MYO5B: variants seen among roughly 807,000 people sequenced by gnomAD.
MYO5B encodes myosin VB, also known as unconventional myosin-Vb.
A neutral mutation model predicts 229.3 loss-of-function variants in MYO5B; 143 were observed. The ratio of observed to expected loss-of-function variants is 0.62; its 90% CI spans 0.54 to 0.72. The LOEUF is 0.72. MYO5B is among the 30% of genes least tolerant of loss of function. MYO5B has a pLI of 0.00. For synonymous variants in MYO5B, 918 were observed against 885.2 expected (o/e 1.04, Z -0.66); for missense variants, 2,321 against 2,331.0 (o/e 1.00, Z 0.09).
chr18:50,094,705 T>C (rs1293531947), intron 1 of MYO5B, among the ~76,000 whole-genome samples: 3 of 152,358 alleles, frequency 2.0e-5, no homozygotes, highest in African/African-American at 7.2e-5. Context: ...CTGGTGTTTG[T>C]AGATCTCCTC....
chr18:49,864,153 G>T lies in MYO5B; in HGVS notation c.3831C>A (p.Ala1277=). The T allele has an allele frequency of 6.2e-7, 1 of 1,609,460 alleles. No individual in the cohort carries two copies. The change falls in exon 28 of 40, where the codon GCC becomes GCA. Residue 1277 remains alanine, a synonymous_variant. Transcript: ENST00000285039. Reference sequence around the variant, plus strand: ...GCCATCTTGTTACCGCGTTCCTGCCGGCGAGTCGCCGCTGGTCGGCGCTCA... The same window carrying T: ...GCCATCTTGTTACCGCGTTCCTGCCTGCGAGTCGCCGCTGGTCGGCGCTCA... The part of the protein sequence containing the change: ...QIVSADQRRL[A]GRNAEPNINA...
At chr18:49,960,405 G>A (rs1274383682) in intron 12 of MYO5B, among the ~76,000 whole-genome samples, 1 of 152,196 alleles carries the variant, frequency 6.6e-6, no homozygotes, top group Non-Finnish European at 1.5e-5. Flanking sequence ...GGCAAACCCA[G>A]GGGGATTCCC....
intron 14 of MYO5B, among the ~76,000 whole-genome samples, chr18:49,948,952 T>A (rs2025403721): frequency 6.6e-6 from 1 of 152,230 alleles, no homozygotes; most frequent in South Asian, 2.1e-4. Context: ...TGGTAGGATC[T>A]CTGAGATTCA....
Position 49,823,146 on chromosome 18 carries a change from A to C in MYO5B, c.*3325T>G, listed in dbSNP as rs2023791442. ...TAGAATTAGAAATTTTTTGAAAAAC[A>C]ATCTTTTGTATCTAATGACCTTTAT... On this transcript the variant is annotated 3_prime_UTR_variant, in exon 40 of 40. Coordinates refer to ENST00000285039, the MANE Select transcript of MYO5B (RefSeq NM_001080467.3). 6.6e-6 allele frequency: 1 copy of C among 152,282 alleles called. No homozygotes were observed. The highest frequency in any genetic ancestry group is 1.5e-5 in the Non-Finnish European group (1 of 68,052). 9.4% of individuals were successfully genotyped at this position (152,282 alleles called of 1,614,324 possible).
At chr18:50,055,399 A>C in intron 1 of MYO5B, 21 bp from the exon 2 acceptor site, 1 of 1,586,336 alleles carries the variant, frequency 6.3e-7, no homozygotes, top group Non-Finnish European at 8.7e-7. Flanking sequence ...AAAACAGAAG[A>C]AACTTAGATA....
intron 1 of MYO5B, among the ~76,000 whole-genome samples, chr18:50,071,540 A>G (rs72915763): frequency 0.14 from 21,937 of 152,182 alleles, 1,680 homozygotes; most frequent in East Asian, 0.23. Flanking sequence ...TAAAAATAGT[A>G]CTATCTAAAT....
chr18:50,111,877 G>A (rs910481964), intron 1 of MYO5B, among the ~76,000 whole-genome samples: 2 of 152,192 alleles, frequency 1.3e-5, no homozygotes, highest in Non-Finnish European at 2.9e-5. Context: ...TTGAGCACAT[G>A]AGTCACCTGG....
chr18:50,048,935 T>C (rs1244896011), intron 2 of MYO5B, among the ~76,000 whole-genome samples: 1 of 151,416 alleles, frequency 6.6e-6, no homozygotes, highest in Non-Finnish European at 1.5e-5. Flanking sequence ...GGCACAAGAA[T>C]TACTTGAACC....
At chr18:50,138,416 G>C (rs1489469691) in intron 1 of MYO5B, among the ~76,000 whole-genome samples, 2 of 151,942 alleles carry the variant, frequency 1.3e-5, no homozygotes, top group Non-Finnish European at 2.9e-5. Flanking sequence ...GCCCAATTTG[G>C]GGGGGGTGGC....
intron 2 of MYO5B, among the ~76,000 whole-genome samples, chr18:50,053,371 G>A (rs953905968): frequency 1.3e-5 from 2 of 152,166 alleles, no homozygotes; most frequent in African/African-American, 4.8e-5. Flanking sequence ...CAGGGTGGGC[G>A]AGCATCTGCT....
At chr18:49,925,079 G>A (rs545833808) in intron 17 of MYO5B, among the ~76,000 whole-genome samples, 4 of 152,198 alleles carry the variant, frequency 2.6e-5, no homozygotes, top group Non-Finnish European at 5.9e-5. Context: ...GGAATGGGGA[G>A]CTGCACATGC....
chr18:49,978,734 C>G (rs1598927379), intron 9 of MYO5B, among the ~76,000 whole-genome samples: 1 of 101,446 alleles, frequency 9.9e-6, no homozygotes, highest in East Asian at 3.5e-4. Flanking sequence ...CACACACACA[C>G]ACACACACAC....
intron 3 of MYO5B, among the ~76,000 whole-genome samples, chr18:50,037,381 A>G (rs943186763): frequency 1.3e-5 from 2 of 152,252 alleles, no homozygotes; most frequent in South Asian, 2.1e-4. Flanking sequence ...AAAATCTGGG[A>G]AAGGATTATA....
At chr18:49,969,042 G>A (rs2025658555) in intron 10 of MYO5B, among the ~76,000 whole-genome samples, 1 of 152,182 alleles carries the variant, frequency 6.6e-6, no homozygotes. Flanking sequence ...AGGAGGCTGG[G>A]AGACTCCAGG....
At chr18:49,995,108 C>T (rs1040206545) in intron 5 of MYO5B, among the ~76,000 whole-genome samples, 2 of 152,172 alleles carry the variant, frequency 1.3e-5, no homozygotes, top group Admixed American at 6.5e-5. Flanking sequence ...ATTCTACCTA[C>T]ACGGCGTCAC....
chr18:49,928,044 A>AT (rs2025149191), intron 17 of MYO5B, among the ~76,000 whole-genome samples: 1 of 152,224 alleles, frequency 6.6e-6, no homozygotes, highest in African/African-American at 2.4e-5. Context: ...GTAGCACAGA[A>AT]AAAAAACCAT....
chr18:49,841,434 C>A lies in MYO5B; in HGVS notation c.4632G>T (p.Glu1544Asp), dbSNP rs778235752. 5.6e-6 allele frequency: 9 copies of A among 1,614,170 alleles called. No homozygotes were observed. The highest frequency in any genetic ancestry group is 7.6e-6 in the Non-Finnish European group (9 of 1,180,008). ...TGTTGGATAACCAGAATGACGTCATCTCAAAGTCATCATTGTGCTTCTGTG... is the reference window on the plus strand; with the variant it reads ...TGTTGGATAACCAGAATGACGTCATATCAAAGTCATCATTGTGCTTCTGTG... ...KVLKKHNDDF[E>D]MTSFWLSNTC... The change falls in exon 35 of 40, where the codon GAG becomes GAT. Residue 1544 changes from glutamate to aspartate, a missense_variant. Transcript: ENST00000285039.
At chr18:49,840,240 A>G (rs1429907567) in intron 35 of MYO5B, 1 of 152,244 alleles carries the variant, frequency 6.6e-6, no homozygotes, top group Non-Finnish European at 1.5e-5. Context: ...CCTCAATGAA[A>G]TAACATTACA....
At chr18:49,984,868 C>A in intron 7 of MYO5B, 43 bp from the exon 8 acceptor site, 1 of 1,342,472 alleles carries the variant, frequency 7.4e-7, no homozygotes, top group Non-Finnish European at 1.1e-6. Context: ...CTGGAGGACA[C>A]TTCATCCCAC....
Sources: gnomAD v4.1 joint callset for allele counts (sites outside exome capture counted in the v4.1 genomes callset) on GRCh38, gnomAD v4.1.1 for gene constraint, MANE v1.5 for transcripts, NCBI Gene and HGNC (gene_info 2026-07-23, HGNC 2026-07-21) for gene names.